Variants in ADGRL4 observed in about 807,000 individuals in gnomAD.
ADGRL4 encodes EGF, latrophilin and seven transmembrane domain containing 1.
In ADGRL4, 90 loss-of-function variants were observed where a neutral mutation model predicts 74.8. The ratio of observed to expected loss-of-function variants is 1.20; its 90% confidence interval spans 1.02 to 1.43. The LOEUF (loss-of-function observed/expected upper bound fraction) is 1.43. ADGRL4 is among the 40% of genes most tolerant of loss of function. ADGRL4 has a pLI of 0.00. For synonymous variants in ADGRL4, 311 were observed against 279.2 expected, an observed-to-expected ratio of 1.11 and a Z score of -1.14; for missense variants, 881 against 814.3, an observed-to-expected ratio of 1.08 and a Z score of -1.00.
intron 12 of ADGRL4, among the ~76,000 whole-genome samples, chr1:78,914,926 T>A (rs1263006163): frequency 1.3e-5 from 2 of 151,916 alleles, no homozygotes; most frequent in African/African-American, 4.8e-5. Context: ...TAGTTGTGGC[T>A]TAAGAGACAG....
chr1:78,968,943 T>G (rs1196564215), intron 2 of ADGRL4, among the ~76,000 whole-genome samples: 2 of 152,232 alleles, frequency 1.3e-5, no homozygotes, highest in African/African-American at 2.4e-5. Flanking sequence ...ACAGGACTTA[T>G]GAGGAGCTGA....
chr1:78,902,596 A>G (rs1173564156), intron 12 of ADGRL4, among the ~76,000 whole-genome samples: 7 of 152,194 alleles, frequency 4.6e-5, no homozygotes, highest in Non-Finnish European at 1.0e-4. Flanking sequence ...GATGAAGGAA[A>G]CAATAAAGAG....
chr1:78,954,233 A>G (rs989324062), intron 2 of ADGRL4, among the ~76,000 whole-genome samples: 2 of 152,154 alleles, frequency 1.3e-5, no homozygotes, highest in Non-Finnish European at 2.9e-5. Flanking sequence ...GTGAGGGTGG[A>G]GCACAGTGGG....
intron 2 of ADGRL4, among the ~76,000 whole-genome samples, chr1:78,965,982 G>A (rs1397017975): frequency 4.0e-5 from 6 of 148,782 alleles, no homozygotes; most frequent in Admixed American, 1.3e-4. Flanking sequence ...AGTGATGATA[G>A]GACAGAACCA....
chr1:78,900,710 G>C (rs2100654593), intron 12 of ADGRL4, among the ~76,000 whole-genome samples: 1 of 152,150 alleles, frequency 6.6e-6, no homozygotes, highest in Middle Eastern at 3.4e-3. Flanking sequence ...AGACGTACTT[G>C]CTTTTCCTTC....
At chr1:78,963,445 T>C (rs529162189) in intron 2 of ADGRL4, among the ~76,000 whole-genome samples, 1 of 152,300 alleles carries the variant, frequency 6.6e-6, no homozygotes, top group African/African-American at 2.4e-5. Context: ...TCACGCCCAG[T>C]ATGCTGTCAA....
chr1:78,991,991 C>T (rs913804353), intron 2 of ADGRL4, among the ~76,000 whole-genome samples: 5 of 152,022 alleles, frequency 3.3e-5, no homozygotes, highest in African/African-American at 7.2e-5. Context: ...AAATTTTATT[C>T]TCAAACCATA....
intron 2 of ADGRL4, among the ~76,000 whole-genome samples, chr1:78,956,514 A>G (rs1649832548): frequency 6.6e-6 from 1 of 152,162 alleles, no homozygotes; most frequent in African/African-American, 2.4e-5. Flanking sequence ...GTTCAAGTCT[A>G]TGTTAGCTTT....
intron 7 of ADGRL4, among the ~76,000 whole-genome samples, chr1:78,928,474 CTT>C (rs1358864591): frequency 4.0e-5 from 6 of 151,378 alleles, no homozygotes. Context: ...GGCATAAAAA[CTT>C]TGAATAATTT....
chr1:78,993,720 C>T (rs539512187), intron 2 of ADGRL4, among the ~76,000 whole-genome samples: 2 of 152,072 alleles, frequency 1.3e-5, no homozygotes, highest in East Asian at 3.9e-4. Flanking sequence ...AGGTGCCCAC[C>T]ACCATGCTCG....
In ADGRL4 at chr1:78,891,699, C is replaced by T; in HGVS notation, c.1842-7G>A. ...GGCTCCTCTTGCACAAGACCTATCA[C>T]ATATGAGAAATGCGTCAGTGAAGAA... is the stretch of plus-strand genomic sequence containing the variant. On this transcript the variant is annotated splice_polypyrimidine_tract_variant and splice_region_variant and intron_variant, in intron 13 of 14. Transcript: ENST00000370742. The T allele has an allele frequency of 3.7e-6, 6 of 1,600,344 alleles. No individual in the cohort carries two copies. The highest frequency in any genetic ancestry group is 5.1e-6 in the Non-Finnish European group (6 of 1,175,530).
chr1:78,921,430 T>C (rs538468063), intron 9 of ADGRL4, among the ~76,000 whole-genome samples, 183 bp downstream of exon 9: 72 of 148,468 alleles, frequency 4.8e-4, no homozygotes, highest in Middle Eastern at 6.8e-3. Flanking sequence ...ATACTAGATA[T>C]GTTTCAGAAG....
Position 78,937,806 on chromosome 1 carries a change from C to T in ADGRL4, c.760+1G>A. The T allele has an allele frequency of 1.2e-6, 2 of 1,604,052 alleles. No individual in the cohort carries two copies. The highest frequency in any genetic ancestry group is 1.7e-6 in the Non-Finnish European group (2 of 1,177,316). ...CTTTTAAATGGACCCTTGTTTCTTA[C>T]CTATATCCGTTGAATTTGTATCAAA... On this transcript the variant is annotated splice_donor_variant, in intron 6 of 14. Transcript: ENST00000370742. LOFTEE classifies it high-confidence loss of function.
At chr1:78,949,371 C>A (rs1649677113) in intron 2 of ADGRL4, among the ~76,000 whole-genome samples, 1 of 152,008 alleles carries the variant, frequency 6.6e-6, no homozygotes, top group Non-Finnish European at 1.5e-5. Flanking sequence ...TGGTTTTGAG[C>A]GCTTGACCTC....
intron 12 of ADGRL4, among the ~76,000 whole-genome samples, chr1:78,893,761 C>A (rs1648338338): frequency 6.6e-6 from 1 of 151,834 alleles, no homozygotes; most frequent in Non-Finnish European, 1.5e-5. Flanking sequence ...AAATGTTAAT[C>A]AATGAATTAA....
At chr1:78,958,142 A>T (rs949210140) in intron 2 of ADGRL4, among the ~76,000 whole-genome samples, 7 of 152,320 alleles carry the variant, frequency 4.6e-5, no homozygotes, top group African/African-American at 1.7e-4. Context: ...TCAAAATATT[A>T]CTGCTCATTG....
At chr1:78,976,310 G>A (rs1343184003) in intron 2 of ADGRL4, among the ~76,000 whole-genome samples, 2 of 151,956 alleles carry the variant, frequency 1.3e-5, no homozygotes, top group Admixed American at 6.6e-5. Flanking sequence ...TGCTCATGTA[G>A]CAACAGCTTC....
chr1:78,951,321 G>A (rs1451581731), intron 2 of ADGRL4, among the ~76,000 whole-genome samples: 1 of 152,136 alleles, frequency 6.6e-6, no homozygotes, highest in Non-Finnish European at 1.5e-5. Context: ...AGGGTAGGAT[G>A]TGAAGGTAGA....
At position 78,937,707 on chromosome 1, in the gene ADGRL4, A is replaced by G. The variant is rs192881994; in HGVS notation, c.760+100T>C. 9.6e-4 allele frequency: 948 copies of G among 985,678 alleles called. 4 individuals carry two copies. The highest frequency in any genetic ancestry group is 1.3e-3 in the Non-Finnish European group (879 of 652,516). The allele number at this position is 985,678 out of a possible 1,614,324, so 61.1% of individuals were successfully genotyped here. A position where few individuals can be genotyped will look rare whatever the true frequency, so the allele number is the denominator to read the frequency against. On this transcript the variant is annotated intron_variant, in intron 6 of 14. Coordinates refer to ENST00000370742, the MANE Select transcript of ADGRL4 (RefSeq NM_022159.4). ...TGATAAAACTACTTTCAATGTAATC[A>G]ATACTAGTTTCAACACCATGCCTCC... is the stretch of plus-strand genomic sequence containing the variant.
Sources: gnomAD v4.1 joint callset for allele counts (sites outside exome capture counted in the v4.1 genomes callset) on GRCh38, gnomAD v4.1.1 for gene constraint, MANE v1.5 for transcripts, NCBI Gene and HGNC (gene_info 2026-07-23, HGNC 2026-07-21) for gene names.